MYH10: variants seen among roughly 807,000 people sequenced by gnomAD.
The protein encoded by MYH10 is myosin heavy chain 10.
MYH10 carries 55 observed loss-of-function variants against 257.8 expected under a neutral mutation model. That is an observed-to-expected ratio of 0.21 (90% CI 0.17 to 0.27). The LOEUF (loss-of-function observed/expected upper bound fraction) is 0.27, where lower values mean the gene tolerates loss of function less well. Among genes scored for constraint, MYH10 ranks in the 10% least tolerant of loss-of-function variants. The pLI is 1.00. For synonymous variants in MYH10, 854 were observed against 921.7 expected (o/e 0.93, Z 1.33); for missense variants, 1,631 against 2,500.6 (o/e 0.65, Z 7.42).
chr17:8,548,280 A>C (rs1311271520), intron 11 of MYH10, 33 bp downstream of exon 11: 3 of 1,534,688 alleles, frequency 2.0e-6, no homozygotes, highest in Admixed American at 1.7e-5. Flanking sequence ...CAAGCCATCG[A>C]AACAGAAATA....
chr17:8,476,073 TG>T (rs1162231272), intron 42 of MYH10, 125 bp from the exon 43 acceptor site: 3 of 1,132,696 alleles, frequency 2.6e-6, no homozygotes, highest in Non-Finnish European at 2.5e-6. Context: ...CACGACCTTG[TG>T]GGGGTGGCGG....
chr17:8,504,634 G>T lies in MYH10; in HGVS notation c.3599+60C>A. 6.8e-7 allele frequency: 1 copy of T among 1,468,518 alleles called. No homozygotes were observed. Among genetic ancestry groups the T allele is most frequent in the Non-Finnish European group, 9.4e-7 (1 of 1,062,164 alleles). The allele number at this position is 1,468,518 out of a possible 1,614,324, so 91.0% of individuals were successfully genotyped here. A position where few individuals can be genotyped will look rare whatever the true frequency, so the allele number is the denominator to read the frequency against. The stretch of plus-strand genomic sequence containing the variant: ...GATAGCAAGCACACCAGGCATTTCT[G>T]CACGGGCTCGGTGGAGAGGTCGGCA... On this transcript the variant is annotated intron_variant, in intron 28 of 42. Coordinates refer to ENST00000360416, the MANE Select transcript of MYH10 (RefSeq NM_001256012.3). This position sits in a 1 kb window ranked among gnomAD's most constrained non-coding sequence, Gnocchi z 5.6.
At position 8,569,616 on chromosome 17, in the gene MYH10, A is replaced by G; in HGVS notation, c.756+104T>C. 2.6e-6 allele frequency: 2 copies of G among 782,442 alleles called. No homozygotes were observed. Among genetic ancestry groups the G allele is most frequent in the Non-Finnish European group, 2.0e-6 (1 of 507,970 alleles). The allele number at this position is 782,442 out of a possible 1,614,324, so 48.5% of individuals were successfully genotyped here. A position where few individuals can be genotyped will look rare whatever the true frequency, so the allele number is the denominator to read the frequency against. ...TTATGTCTACAGAACTACATCTATT[A>G]GCTTCTTAAAATCTAGGAAGAAAAG... is the stretch of plus-strand genomic sequence containing the variant. On this transcript the variant is annotated intron_variant, in intron 7 of 42. Transcript: ENST00000360416. The surrounding 1 kb of genome is among the most constrained non-coding windows in gnomAD (Gnocchi z 4.1).
At chr17:8,531,109 C>T (rs527584187) in intron 16 of MYH10, among the ~76,000 whole-genome samples, 9 of 152,144 alleles carry the variant, frequency 5.9e-5, no homozygotes, top group Admixed American at 2.6e-4. Flanking sequence ...TCAAAAATTA[C>T]GCTGCTGTGT....
rs772975087 is a variant in MYH10, at chr17:8,508,541, C to T, written c.3214+13G>A. 2.5e-6 allele frequency: 4 copies of T among 1,613,902 alleles called. No homozygotes were observed. Among genetic ancestry groups the T allele is most frequent in the Non-Finnish European group, 3.4e-6 (4 of 1,179,898 alleles). On this transcript the variant is annotated intron_variant, in intron 26 of 42. Transcript: ENST00000360416. Reference sequence around the variant, plus strand: ...TGTCCTAGTCCCTGATTTCTCTAGCCCCAAATACTAACCTTCTAAATCTGA... The same window carrying T: ...TGTCCTAGTCCCTGATTTCTCTAGCTCCAAATACTAACCTTCTAAATCTGA...
At chr17:8,572,313 G>A (rs2083377925) in intron 6 of MYH10, among the ~76,000 whole-genome samples, 1 of 151,504 alleles carries the variant, frequency 6.6e-6, no homozygotes, top group African/African-American at 2.4e-5. Context: ...TTCTTCTTGT[G>A]TTGGCTTCAA....
At chr17:8,620,476 A>AC (rs1251318576) in intron 2 of MYH10, among the ~76,000 whole-genome samples, 1 of 127,548 alleles carries the variant, frequency 7.8e-6, no homozygotes, top group East Asian at 2.1e-4. Flanking sequence ...GACCTGAGAA[A>AC]TTGGGGGTCA....
At chr17:8,621,683 CT>C in intron 2 of MYH10, among the ~76,000 whole-genome samples, 1 of 152,280 alleles carries the variant, frequency 6.6e-6, no homozygotes, top group Middle Eastern at 3.4e-3. Context: ...ACTCTCCTAC[CT>C]CATAGAGAAG....
chr17:8,493,323 G>A (rs1438681967), intron 32 of MYH10, among the ~76,000 whole-genome samples: 5 of 149,852 alleles, frequency 3.3e-5, no homozygotes, highest in Admixed American at 2.7e-4. Flanking sequence ...CAGCCTGGGC[G>A]ACAAAGTGAG....
chr17:8,569,940 G>T lies in MYH10; in HGVS notation c.664-128C>A. On this transcript the variant is annotated intron_variant, in intron 6 of 42. Transcript: ENST00000360416. The surrounding 1 kb of genome is among the most constrained non-coding windows in gnomAD (Gnocchi z 4.1). ...TTTCCTCAGTTCTTTCATTCTGTCTGCCATCCAGCAACTTTTGTTGGCTTC... is the reference window on the plus strand; with the variant it reads ...TTTCCTCAGTTCTTTCATTCTGTCTTCCATCCAGCAACTTTTGTTGGCTTC... The T allele has an allele frequency of 3.1e-6, 2 of 648,190 alleles. No individual in the cohort carries two copies. The highest frequency in any genetic ancestry group is 5.0e-6 in the Non-Finnish European group (2 of 403,860). The allele number at this position is 648,190 out of a possible 1,614,324, so 40.2% of individuals were successfully genotyped here.
In MYH10 at chr17:8,499,462, T is replaced by A; in HGVS notation, c.3759A>T (p.Leu1253=). Residue 1253 remains leucine (L), a synonymous_variant, in exon 30 of 43, where the codon CTA becomes CTT. Coordinates refer to ENST00000360416, the MANE Select transcript of MYH10 (RefSeq NM_001256012.3). Reference sequence around the variant, plus strand: ...TCTCCAGGCCCTGCTTGTTCTTCTCTAGATTTGCTTTGAACTAGGAGACGG... The same window carrying A: ...TCTCCAGGCCCTGCTTGTTCTTCTCAAGATTTGCTTTGAACTAGGAGACGG... ...LEQAKRFKAN[L]EKNKQGLETD... is the part of the protein sequence containing the mutation. The A allele has an allele frequency of 6.2e-7, 1 of 1,614,166 alleles. No individual in the cohort carries two copies. Among genetic ancestry groups the A allele is most frequent in the Non-Finnish European group, 8.5e-7 (1 of 1,180,020 alleles).
intron 40 of MYH10, 57 bp downstream of exon 40, chr17:8,480,053 T>G (rs1052824137): frequency 6.4e-7 from 1 of 1,573,184 alleles, no homozygotes; most frequent in Non-Finnish European, 8.7e-7. Flanking sequence ...ATGCCTGTTT[T>G]GTCTCTGACT....
intron 38 of MYH10, among the ~76,000 whole-genome samples, chr17:8,480,956 C>CACTAATTA (rs1355415548): frequency 5.1e-4 from 1 of 1,980 alleles, no homozygotes; most frequent in Non-Finnish European, 1.6e-3. Context: ...ACGTTCAGTT[C>CACTAATTA]AGTAATGACT....
intron 38 of MYH10, 134 bp from the exon 39 acceptor site, chr17:8,480,659 C>G (rs1416464959): frequency 8.3e-7 from 1 of 1,202,594 alleles, no homozygotes; most frequent in Non-Finnish European, 1.2e-6. Flanking sequence ...CCCCTGCACT[C>G]ATCCCCAAAT....
At chr17:8,515,175 C>A (rs534162562) in intron 21 of MYH10, among the ~76,000 whole-genome samples, 54 of 152,308 alleles carry the variant, frequency 3.5e-4, no homozygotes, top group African/African-American at 5.8e-4. Context: ...GTAATTGTTT[C>A]TCTGGAGTCC....
intron 5 of MYH10, 72 bp downstream of exon 5, chr17:8,577,163 TG>T: frequency 8.1e-7 from 1 of 1,230,258 alleles, no homozygotes; most frequent in Non-Finnish European, 1.2e-6. Flanking sequence ...GAGAGTAGAC[TG>T]GCTTCCTTAT....
chr17:8,538,952 T>A (rs1339725526), intron 14 of MYH10, among the ~76,000 whole-genome samples: 1 of 152,198 alleles, frequency 6.6e-6, no homozygotes, highest in Admixed American at 6.5e-5. Flanking sequence ...TCTTTCCTAG[T>A]AAATGGATTA....
At position 8,479,012 on chromosome 17, in the gene MYH10, G is replaced by A. The variant is rs145346932; in HGVS notation, c.5598-566C>T. On this transcript the variant is annotated intron_variant, in intron 40 of 42. Coordinates refer to ENST00000360416, the MANE Select transcript of MYH10 (RefSeq NM_001256012.3). ...CTCCCAAAGTGCTGGGATTACAGCC[G>A]TGAGCCAGCGCACCCGGCCTGTACA... Among the ~76,000 whole-genome samples, 1,343 of 152,304 alleles carry A rather than the reference G, an allele frequency of 8.8e-3. 11 individuals are homozygous for A. Among genetic ancestry groups the A allele is most frequent in the Non-Finnish European group, 0.011 (733 of 68,018 alleles).
intron 36 of MYH10, among the ~76,000 whole-genome samples, chr17:8,485,114 AAAG>A (rs1914537336): frequency 6.6e-6 from 1 of 152,256 alleles, no homozygotes; most frequent in East Asian, 1.9e-4. Context: ...CAGTAAAAGA[AAAG>A]AAAGCCCACA....
Sources: allele counts gnomAD v4.1 joint callset (sites outside exome capture counted in the v4.1 genomes callset), GRCh38; gene constraint gnomAD v4.1.1; non-coding constraint Gnocchi (gnomAD v3.1); transcripts MANE v1.5; gene names NCBI Gene and HGNC (gene_info 2026-07-23, HGNC 2026-07-21).